Variants in HGF observed in about 807,000 individuals in gnomAD.
HGF encodes the protein hepatocyte growth factor, also known as fibroblast-derived tumor cytotoxic factor.
A neutral mutation model predicts 111.6 loss-of-function variants in HGF; 39 were observed. The observed-to-expected ratio is 0.35, with a 90% confidence interval of 0.27 to 0.46. The LOEUF is 0.46. HGF is among the 20% of genes least tolerant of loss of function. The probability of loss-of-function intolerance (pLI) is 1.00; values close to 1 mark genes in which losing one functional copy is unlikely to be tolerated. For synonymous variants in HGF, 285 were observed against 294.8 expected, an observed-to-expected ratio of 0.97 and a Z score of 0.34; for missense variants, 735 against 910.5, an observed-to-expected ratio of 0.81 and a Z score of 2.48.
rs372075114 is a variant in HGF, at chr7:81,710,218, C to T, written c.1470G>A (p.Thr490=). The T allele has an allele frequency of 1.7e-5, 28 of 1,613,250 alleles. 1 individual carries two copies. In the Middle Eastern group the frequency reaches 1.3e-3, roughly 76 times the overall value. ...TCCCATTTACAACTCGCAATTGTTT[C>T]GTTTTGGCACAAGATATTACGGGAT... The part of the protein sequence containing the change: ...LDHPVISCAK[T]KQLRVVNGIP... The change falls in exon 13 of 18, where the codon ACG becomes ACA. Residue 490 remains threonine (T), a synonymous_variant. Transcript: ENST00000222390.
intron 1 of HGF, 62 bp downstream of exon 1, chr7:81,769,822 G>C: frequency 8.1e-7 from 1 of 1,228,712 alleles, no homozygotes; most frequent in South Asian, 1.3e-5. Context: ...AAAAGGAATA[G>C]GGAAGGTTAG....
intron 7 of HGF, among the ~76,000 whole-genome samples, chr7:81,737,422 T>G (rs938054277): frequency 6.6e-6 from 1 of 152,098 alleles, no homozygotes; most frequent in Non-Finnish European, 1.5e-5. Context: ...TTCTGATATA[T>G]AGCAAGAAGT....
intron 7 of HGF, among the ~76,000 whole-genome samples, chr7:81,741,964 G>C: frequency 8.4e-6 from 1 of 118,422 alleles, no homozygotes; most frequent in East Asian, 2.7e-4. Context: ...AAAAAAAAGA[G>C]TACCTAAACC....
chr7:81,752,351 T>C, intron 4 of HGF, 89 bp from the exon 5 acceptor site: 1 of 1,072,240 alleles, frequency 9.3e-7, no homozygotes, highest in Non-Finnish European at 1.4e-6. Context: ...ATGTTTTTGC[T>C]GAAGGTAGAA....
chr7:81,745,271 T>C, intron 5 of HGF, 151 bp from the exon 6 acceptor site: 2 of 761,880 alleles, frequency 2.6e-6, no homozygotes, highest in Non-Finnish European at 4.4e-6. Flanking sequence ...CTAATGTCTA[T>C]AAATAGTGAC....
In HGF at chr7:81,769,805, G is replaced by C. The variant is rs71555100; in HGVS notation, c.88+79C>G. ...GGATGCTGGGAATAGGGTAAAAAGA[G>C]GGTGTTAAAAGGAATAGGGAAGGTT... On this transcript the variant is annotated intron_variant, in intron 1 of 17. Transcript: ENST00000222390. 3.9e-6 allele frequency: 4 copies of C among 1,023,450 alleles called. No individual in the cohort carries two copies. The East Asian group carries it at 7.8e-5, about 20-fold the overall frequency. The allele number at this position is 1,023,450 out of a possible 1,614,324, so 63.4% of individuals were successfully genotyped here.
rs1788816580 is a variant in HGF at position 81,757,153 on chromosome 7, C to T, written c.482+36G>A. 3 of 1,024,002 alleles carry T rather than the reference C, an allele frequency of 2.9e-6. No homozygotes were observed. In the East Asian group the frequency reaches 7.1e-5, roughly 24 times the overall value. 63.4% of individuals were successfully genotyped at this position (1,024,002 alleles called of 1,614,324 possible). On this transcript the variant is annotated intron_variant, in intron 4 of 17. Coordinates refer to ENST00000222390, the MANE Select transcript of HGF (RefSeq NM_000601.6). ...TGAGACTGTTAACATGTAAAAAAGACAGAGGCTTCATCTCTTTTCTTCATA... is the reference window on the plus strand; with the variant it reads ...TGAGACTGTTAACATGTAAAAAAGATAGAGGCTTCATCTCTTTTCTTCATA...
intron 2 of HGF, among the ~76,000 whole-genome samples, chr7:81,759,354 G>T (rs1258397785): frequency 6.6e-6 from 1 of 152,122 alleles, no homozygotes; most frequent in Non-Finnish European, 1.5e-5. Context: ...TAAAAAGTGG[G>T]ATCTGAAACC....
chr7:81,703,084 T>A (rs1195665736), intron 17 of HGF, among the ~76,000 whole-genome samples: 1 of 151,694 alleles, frequency 6.6e-6, no homozygotes, highest in Admixed American at 6.6e-5. Flanking sequence ...CATCGGTGCC[T>A]ATTTAATAAG....
intron 13 of HGF, among the ~76,000 whole-genome samples, chr7:81,709,127 T>C (rs1032547946): frequency 6.6e-6 from 1 of 152,170 alleles, no homozygotes; most frequent in Non-Finnish European, 1.5e-5. Context: ...GACATTCTTT[T>C]TCTCTACTCT....
At chr7:81,763,636 G>A (rs1584017434) in intron 1 of HGF, among the ~76,000 whole-genome samples, 1 of 152,066 alleles carries the variant, frequency 6.6e-6, no homozygotes, top group Admixed American at 6.6e-5. Context: ...CTAATCTTAT[G>A]GATAACTTTA....
At chr7:81,716,710 A>G (rs369150599) in intron 11 of HGF, among the ~76,000 whole-genome samples, 3 of 152,224 alleles carry the variant, frequency 2.0e-5, no homozygotes, top group Admixed American at 6.5e-5. Flanking sequence ...TTTATACACT[A>G]ATATCTTTTT....
At chr7:81,721,017 G>A (rs913371568) in intron 9 of HGF, among the ~76,000 whole-genome samples, 170 bp from the exon 10 acceptor site, 25 of 152,188 alleles carry the variant, frequency 1.6e-4, no homozygotes, top group Non-Finnish European at 3.5e-4. Context: ...AGGCCAAGGC[G>A]GGCCCATCAC....
chr7:81,706,204 GAA>G, intron 15 of HGF, 81 bp downstream of exon 15: 1 of 1,221,000 alleles, frequency 8.2e-7, no homozygotes, highest in Non-Finnish European at 1.2e-6. Flanking sequence ...GTATGAGAGA[GAA>G]CGAACTGCCA....
chr7:81,761,885 C>T (rs201717646), intron 2 of HGF, among the ~76,000 whole-genome samples: 2 of 152,044 alleles, frequency 1.3e-5, no homozygotes, highest in Non-Finnish European at 2.9e-5. Context: ...TCATAAGGAG[C>T]GCACACCCTA....
In HGF at chr7:81,770,044, G is replaced by T; in HGVS notation, c.-73C>A. 9.4e-7 allele frequency: 1 copy of T among 1,063,296 alleles called. No individual in the cohort carries two copies. The highest frequency in any genetic ancestry group is 2.6e-5 in the East Asian group (1 of 38,700). The allele number at this position is 1,063,296 out of a possible 1,614,324, so 65.9% of individuals were successfully genotyped here. ...TGAAAGAATCCTGTTCGGAGTCAGT[G>T]CCTAAAAGAGCCAGTCGGCTCTGAG... On this transcript the variant is annotated 5_prime_UTR_variant, in exon 1 of 18. Transcript: ENST00000222390.
intron 7 of HGF, among the ~76,000 whole-genome samples, chr7:81,733,379 CATT>C (rs1324445157): frequency 5.9e-5 from 9 of 151,660 alleles, no homozygotes; most frequent in Admixed American, 5.3e-4. Context: ...TAAATAATAA[CATT>C]ATTATTTTTC....
chr7:81,726,185 CT>C (rs1301213883), intron 8 of HGF, among the ~76,000 whole-genome samples, 168 bp from the exon 9 acceptor site: 4 of 152,176 alleles, frequency 2.6e-5, no homozygotes, highest in African/African-American at 9.7e-5. Flanking sequence ...ACATAACTGA[CT>C]CTGCCCAAAT....
In HGF at chr7:81,743,383, G is replaced by C. The variant is rs756224070; in HGVS notation, c.835C>G (p.Arg279Gly). The change falls in exon 7 of 18, where the codon CGC becomes GGC. Residue 279 changes from arginine (R) to glycine (G), a missense_variant. This residue lies in a region of HGF where 553 missense variants were observed against 685.6 expected (regional missense o/e 0.81). Transcript: ENST00000222390. Reference sequence around the variant, plus strand: ...GTTTTAATTGCACAGTACTCCCAGCGGGTGTGAGGGTCAAGAGTATAGCAC... The same window carrying C: ...GTTTTAATTGCACAGTACTCCCAGCCGGTGTGAGGGTCAAGAGTATAGCAC... ...PWCYTLDPHT[R>G]WEYCAIKTCA... 6.2e-7 allele frequency: 1 copy of C among 1,611,054 alleles called. No individual in the cohort carries two copies. The highest frequency in any genetic ancestry group is 8.5e-7 in the Non-Finnish European group (1 of 1,177,214).
Sources: gnomAD v4.1 joint callset for allele counts (sites outside exome capture counted in the v4.1 genomes callset) on GRCh38, gnomAD v4.1.1 for gene constraint, gnomAD v4.1.1 regional missense constraint, MANE v1.5 for transcripts, NCBI Gene and HGNC (gene_info 2026-07-23, HGNC 2026-07-21) for gene names.